RBFOX1: variants seen among roughly 807,000 people sequenced by gnomAD.
The protein encoded by RBFOX1 is RNA binding fox-1 homolog 1.
In RBFOX1, 8 loss-of-function variants were observed where a neutral mutation model predicts 57.7. The ratio of observed to expected loss-of-function variants is 0.14; its 90% confidence interval spans 0.08 to 0.25. The LOEUF is 0.25. Among genes scored for constraint, RBFOX1 ranks in the 10% least tolerant of loss-of-function variants. The probability of loss-of-function intolerance (pLI) is 1.00; values close to 1 mark genes in which losing one functional copy is unlikely to be tolerated. For synonymous variants in RBFOX1, 326 were observed against 222.4 expected (o/e 1.47, Z -4.15); for missense variants, 611 against 548.5 (o/e 1.11, Z -1.14).
In RBFOX1 at chr16:5,683,600, G is replaced by A. The variant is rs2050411802; in HGVS notation, c.318+84639G>A. Among the ~76,000 whole-genome samples the A allele has an allele frequency of 3.3e-5, 5 of 151,978 alleles. No homozygotes were observed. The South Asian group carries it at 1.0e-3, about 32-fold the overall frequency. On this transcript the variant is annotated intron_variant, in intron 3 of 19. Transcript: ENST00000641259. The stretch of plus-strand genomic sequence containing the variant: ...CCCACATCTTTCTCCCATGCTGGAT[G>A]CCTCCTGCCCTTGAACATCAGACTC...
intron 1 of RBFOX1, among the ~76,000 whole-genome samples, chr16:6,249,787 T>TTA (rs397711742): frequency 6.6e-6 from 1 of 151,192 alleles, no homozygotes; most frequent in East Asian, 1.9e-4. Flanking sequence ...TTTTTTTTTT[T>TTA]ATTATACTTT....
intron 4 of RBFOX1, among the ~76,000 whole-genome samples, chr16:5,997,745 A>T (rs1183153093): frequency 6.6e-6 from 1 of 152,210 alleles, no homozygotes; most frequent in African/African-American, 2.4e-5. Flanking sequence ...ATTCCCGTAA[A>T]AGTTTCTGTT....
chr16:7,130,851 A>C (rs1460834586), intron 4 of RBFOX1, among the ~76,000 whole-genome samples: 1 of 152,142 alleles, frequency 6.6e-6, no homozygotes, highest in Non-Finnish European at 1.5e-5. Context: ...ATAATCTATC[A>C]GGCAATCCTG....
At chr16:5,647,523 C>G (rs992628812) in intron 3 of RBFOX1, among the ~76,000 whole-genome samples, 4 of 152,154 alleles carry the variant, frequency 2.6e-5, no homozygotes, top group Admixed American at 6.5e-5. Flanking sequence ...TCAGGGCACA[C>G]AGTAGGCACT....
chr16:6,927,901 C>T (rs764501234), intron 3 of RBFOX1, among the ~76,000 whole-genome samples: 9 of 152,236 alleles, frequency 5.9e-5, no homozygotes, highest in Non-Finnish European at 8.8e-5. Flanking sequence ...CGCTAAACAT[C>T]ATCTAAACAC....
At chr16:5,932,421 A>C (rs2059080101) in intron 4 of RBFOX1, among the ~76,000 whole-genome samples, 1 of 152,122 alleles carries the variant, frequency 6.6e-6, no homozygotes, top group African/African-American at 2.4e-5. Flanking sequence ...TTTCTCCAGC[A>C]CCTCCAGATG....
chr16:6,789,936 C>T (rs889790722), intron 3 of RBFOX1, among the ~76,000 whole-genome samples: 2 of 151,602 alleles, frequency 1.3e-5, no homozygotes, highest in African/African-American at 2.4e-5. Flanking sequence ...TAATTATTCT[C>T]TTCCCTAACT....
intron 11 of RBFOX1, among the ~76,000 whole-genome samples, chr16:7,647,153 C>G (rs1441441435): frequency 6.6e-6 from 1 of 152,152 alleles, no homozygotes; most frequent in African/African-American, 2.4e-5. Context: ...TTCCCAAGAA[C>G]TGAGATGGTT....
At chr16:5,880,495 G>T (rs977280278) in intron 4 of RBFOX1, among the ~76,000 whole-genome samples, 1 of 152,186 alleles carries the variant, frequency 6.6e-6, no homozygotes, top group Non-Finnish European at 1.5e-5. Flanking sequence ...ATTCTGCATC[G>T]TATTTCAATC....
intron 3 of RBFOX1, among the ~76,000 whole-genome samples, chr16:6,694,411 A>T (rs569114618): frequency 6.6e-6 from 1 of 152,360 alleles, no homozygotes; most frequent in South Asian, 2.1e-4. Flanking sequence ...CAAGAAGAAA[A>T]AACTGGTTGG....
chr16:6,594,239 G>GCTAAATGAAGAAGGAA (rs1383779438), intron 2 of RBFOX1, among the ~76,000 whole-genome samples: 11 of 152,178 alleles, frequency 7.2e-5, no homozygotes, highest in Non-Finnish European at 1.3e-4. Context: ...GTTGGTGACT[G>GCTAAATGAAGAAGGAA]CTAAATGAAG....
At chr16:6,488,407 C>T (rs1442671619) in intron 2 of RBFOX1, among the ~76,000 whole-genome samples, 1 of 152,196 alleles carries the variant, frequency 6.6e-6, no homozygotes, top group Non-Finnish European at 1.5e-5. Context: ...AGTAACAATA[C>T]AATGCCGATT....
At chr16:6,427,524 G>A (rs140954885) in intron 2 of RBFOX1, among the ~76,000 whole-genome samples, 75 of 152,266 alleles carry the variant, frequency 4.9e-4, no homozygotes, top group African/African-American at 1.3e-3. Context: ...ATAAAGAGGC[G>A]TATGTATGGA....
At chr16:5,596,517 C>G (rs1434700638) in intron 2 of RBFOX1, among the ~76,000 whole-genome samples, 1 of 152,058 alleles carries the variant, frequency 6.6e-6, no homozygotes, top group African/African-American at 2.4e-5. Context: ...TGTCCCTAGA[C>G]TAGATGGAAT....
At chr16:5,975,694 G>A (rs1596327998) in intron 4 of RBFOX1, among the ~76,000 whole-genome samples, 1 of 152,252 alleles carries the variant, frequency 6.6e-6, no homozygotes, top group South Asian at 2.1e-4. Context: ...GGAGCTCCTA[G>A]CATAATTTAA....
At chr16:5,446,999 C>A (rs1008219126) in intron 1 of RBFOX1, among the ~76,000 whole-genome samples, 14 of 152,284 alleles carry the variant, frequency 9.2e-5, no homozygotes, top group African/African-American at 3.4e-4. Flanking sequence ...TGATCTGAAT[C>A]CATACCAGCA....
At chr16:5,508,293 G>C (rs535963385) in intron 2 of RBFOX1, among the ~76,000 whole-genome samples, 1 of 152,228 alleles carries the variant, frequency 6.6e-6, no homozygotes, top group East Asian at 1.9e-4. Context: ...GTAAGTCTGA[G>C]ATCCACTGAC....
At chr16:7,160,932 T>C (rs190403863) in intron 4 of RBFOX1, among the ~76,000 whole-genome samples, 39 of 152,258 alleles carry the variant, frequency 2.6e-4, no homozygotes, top group Admixed American at 1.9e-3. Context: ...TACTTATGTG[T>C]AGCTAATACC....
At chr16:7,138,901 C>T (rs924419157) in intron 4 of RBFOX1, among the ~76,000 whole-genome samples, 5 of 152,086 alleles carry the variant, frequency 3.3e-5, no homozygotes, top group African/African-American at 4.8e-5. Context: ...CTCCGCCTCC[C>T]GGGTTCAAGT....
Sources: allele counts gnomAD v4.1 joint callset (sites outside exome capture counted in the v4.1 genomes callset), GRCh38; gene constraint gnomAD v4.1.1; transcripts MANE v1.5; gene names NCBI Gene and HGNC (gene_info 2026-07-23, HGNC 2026-07-21).